BRF1: variants seen among roughly 807,000 people sequenced by gnomAD.
BRF1 encodes the protein transcription factor IIIB 90 kDa subunit.
In BRF1, 59 loss-of-function variants were observed where a neutral mutation model predicts 81.7. The observed-to-expected ratio is 0.72, with a 90% confidence interval of 0.59 to 0.90. The LOEUF (loss-of-function observed/expected upper bound fraction) is 0.90, where lower values mean the gene tolerates loss of function less well. Ranked by LOEUF, BRF1 falls within the 40% of genes least tolerant of loss-of-function variation. The pLI, the probability that BRF1 is intolerant of heterozygous loss-of-function variation, is 0.00. For synonymous variants in BRF1, 491 were observed against 395.6 expected (o/e 1.24, Z -2.86); for missense variants, 1,050 against 936.3 (o/e 1.12, Z -1.58).
chr14:105,211,954 G>C (rs1415657807), intron 16 of BRF1, 159 bp downstream of exon 16: 10 of 1,096,602 alleles, frequency 9.1e-6, no homozygotes, highest in Middle Eastern at 2.8e-4. Context: ...CCACCCTCGG[G>C]CCTCGATTCT....
chr14:105,247,282 A>G, intron 5 of BRF1: 2 of 985,314 alleles, frequency 2.0e-6, no homozygotes, highest in Non-Finnish European at 2.4e-6. Context: ...GGAGTTACGC[A>G]CCCACCTGCA....
Position 105,246,402 on chromosome 14 carries a change from C to T in BRF1, c.545-4988G>A, listed in dbSNP as rs185211223. 1.8e-3 allele frequency among the ~76,000 whole-genome samples: 280 copies of T among 151,554 alleles called. 12 individuals are homozygous for T. The highest frequency in any genetic ancestry group is 7.5e-4 in the Non-Finnish European group (51 of 67,860). On this transcript the variant is annotated intron_variant, in intron 5 of 17. Coordinates refer to ENST00000547530, the MANE Select transcript of BRF1 (RefSeq NM_001519.4). ...CACAAACAAAAAAGAATAGGCTGGG[C>T]GCGGTGGCTCACACCTGTAATCCCA...
intron 4 of BRF1, among the ~76,000 whole-genome samples, chr14:105,254,331 A>T (rs1465965447): frequency 2.6e-5 from 4 of 152,132 alleles, no homozygotes; most frequent in African/African-American, 9.7e-5. Flanking sequence ...ATCTCTGCTC[A>T]CTGCAAGCTC....
At chr14:105,252,770 A>G (rs2055682700) in intron 4 of BRF1, among the ~76,000 whole-genome samples, 191 bp from the exon 5 acceptor site, 1 of 152,140 alleles carries the variant, frequency 6.6e-6, no homozygotes, top group African/African-American at 2.4e-5. Context: ...TTCTTCCTCT[A>G]AGCCGCTGCT....
rs1281342152 is a variant in BRF1, at chr14:105,309,613, G to GCCTGCCCCA, written c.-162+5708_-162+5709insTGGGGCAGG. Among the ~76,000 whole-genome samples, 1 of 152,190 alleles carries GCCTGCCCCA rather than the reference G, an allele frequency of 6.6e-6. No individual in the cohort carries two copies. Among genetic ancestry groups the GCCTGCCCCA allele is most frequent in the African/African-American group, 2.4e-5 (1 of 41,454 alleles). Reference sequence around the variant, plus strand: ...CAAGACGCTGCCAAGCCACTCTGCAGAGCTGCTCTGGGTCCTGCCCCAGGT... The same window carrying GCCTGCCCCA: ...CAAGACGCTGCCAAGCCACTCTGCAGCCTGCCCCAAGCTGCTCTGGGTCCTGCCCCAGGT... On this transcript the variant is annotated intron_variant, in intron 1 of 17. Coordinates refer to the BRF1 transcript ENST00000327359. This position sits in a 1 kb window ranked among gnomAD's most constrained non-coding sequence, Gnocchi z 4.0.
intron 5 of BRF1, chr14:105,248,717 G>C: frequency 3.1e-6 from 3 of 981,856 alleles, no homozygotes; most frequent in Non-Finnish European, 3.6e-6. Context: ...CGCCCATGCT[G>C]CTGCCCCTAG....
intron 5 of BRF1, chr14:105,241,904 A>C (rs1362332641): frequency 5.0e-6 from 1 of 201,740 alleles, no homozygotes; most frequent in Non-Finnish European, 1.0e-5. Context: ...CTGTGTGTGC[A>C]CACTGAGGCC....
chr14:105,279,187 C>T (rs2056968175), intron 2 of BRF1, among the ~76,000 whole-genome samples: 1 of 152,090 alleles, frequency 6.6e-6, no homozygotes, highest in African/African-American at 2.4e-5. Context: ...CCAGCCCGGA[C>T]CACAGAGTGA....
intron 3 of BRF1, among the ~76,000 whole-genome samples, chr14:105,261,385 T>A (rs970726284): frequency 3.3e-5 from 5 of 152,112 alleles, no homozygotes; most frequent in African/African-American, 7.2e-5. Context: ...TGCTGTGCCA[T>A]CAAACTGTCC....
chr14:105,315,516 A>T (rs2058558488), upstream of BRF1: 1 of 152,196 alleles, frequency 6.6e-6, no homozygotes. This position sits in a 1 kb window ranked among gnomAD's most constrained non-coding sequence, Gnocchi z 4.4. Flanking sequence ...CGCGGTGGAG[A>T]TGCCCTGTCC....
chr14:105,280,638 T>C (rs2057035269), intron 2 of BRF1, among the ~76,000 whole-genome samples: 1 of 151,940 alleles, frequency 6.6e-6, no homozygotes, highest in Non-Finnish European at 1.5e-5. Flanking sequence ...TGTGTGATCC[T>C]GAGCCTGCGT....
At chr14:105,248,329 T>C (rs1191834590) in intron 5 of BRF1, 34 of 985,302 alleles carry the variant, frequency 3.5e-5, no homozygotes, top group Non-Finnish European at 4.1e-5. Flanking sequence ...GATCGCTAAC[T>C]GAAGAACGGG....
chr14:105,286,182 G>A (rs1438100754), intron 2 of BRF1, 114 bp downstream of exon 2: 10 of 1,190,000 alleles, frequency 8.4e-6, no homozygotes, highest in South Asian at 2.6e-5. Context: ...GCAGGGTGAC[G>A]AGGAAGTGGC....
intron 1 of BRF1, among the ~76,000 whole-genome samples, chr14:105,313,943 C>A (rs1243320147): frequency 6.6e-6 from 1 of 152,254 alleles, no homozygotes; most frequent in Non-Finnish European, 1.5e-5. Flanking sequence ...TCACTGTTAA[C>A]CCCAGGGCCA....
intron 10 of BRF1, chr14:105,222,214 G>A: frequency 2.9e-6 from 1 of 340,914 alleles, no homozygotes; most frequent in Non-Finnish European, 5.3e-6. Context: ...TCTAAAAGCA[G>A]AATCCATAAA....
At chr14:105,270,318 A>C (rs1000259877) in intron 3 of BRF1, among the ~76,000 whole-genome samples, 3 of 151,540 alleles carry the variant, frequency 2.0e-5, no homozygotes, top group African/African-American at 2.4e-5. Flanking sequence ...GGACTACAGG[A>C]GCCTGCCACC....
chr14:105,314,531 C>G (rs1341149302), intron 1 of BRF1: 2 of 146,608 alleles, frequency 1.4e-5, no homozygotes, highest in African/African-American at 5.0e-5. Context: ...CACCGGCGGG[C>G]GGGGACGCCC....
chr14:105,310,862 A>G (rs1475791879), intron 1 of BRF1, among the ~76,000 whole-genome samples: 1 of 152,220 alleles, frequency 6.6e-6, no homozygotes, highest in Non-Finnish European at 1.5e-5. Flanking sequence ...TTTGTATCCT[A>G]TCAATATTTT....
chr14:105,263,253 A>G (rs1442656748), intron 3 of BRF1, among the ~76,000 whole-genome samples: 1 of 151,538 alleles, frequency 6.6e-6, no homozygotes, highest in Non-Finnish European at 1.5e-5. Context: ...AAAAAAAAAA[A>G]AAGTAGGAGC....
Sources: allele counts gnomAD v4.1 joint callset (sites outside exome capture counted in the v4.1 genomes callset), GRCh38; gene constraint gnomAD v4.1.1; non-coding constraint Gnocchi (gnomAD v3.1); transcripts MANE v1.5; gene names NCBI Gene and HGNC (gene_info 2026-07-23, HGNC 2026-07-21).